Variants in UGGT2 observed in about 807,000 individuals in gnomAD.
UGGT2 encodes UDP-glucose glycoprotein glucosyltransferase 2, also known as UDP-glucose:glycoprotein glucosyltransferase 2.
In UGGT2, 180 loss-of-function variants were observed where a neutral mutation model predicts 192.1. The observed-to-expected ratio is 0.94, with a 90% confidence interval of 0.83 to 1.06. The LOEUF (loss-of-function observed/expected upper bound fraction) is 1.06, where lower values mean the gene tolerates loss of function less well. Among genes scored for constraint, UGGT2 ranks in the 50% least tolerant of loss-of-function variants. UGGT2 has a pLI of 0.00. For synonymous variants in UGGT2, 580 were observed against 591.0 expected (o/e 0.98, Z 0.27); for missense variants, 1,849 against 1,795.7 (o/e 1.03, Z -0.54).
rs764131965 is a variant in UGGT2 at position 95,900,923 on chromosome 13, C to T, written c.2518G>A (p.Ala840Thr). ...ACAGTATTATATTTTTTCTCAAAAG[C>T]ATTCTTATCCATCCCCTAAAGCAAA... is the stretch of plus-strand genomic sequence containing the variant. ...TFLIEGMDKN[A>T]FEKKYNTVGV... The change falls in exon 22 of 39, where the codon GCT (alanine) becomes ACT (threonine). Residue 840 changes from alanine to threonine, a missense_variant. Physicochemically the swap from Ala to Thr is moderately conservative, Grantham distance 58. Transcript: ENST00000376747. 1.2e-5 allele frequency: 19 copies of T among 1,591,640 alleles called. No homozygotes were observed. In the South Asian group the frequency reaches 2.1e-4, roughly 17 times the overall value.
chr13:95,814,970 A>G (rs1343967088), intron 38 of UGGT2, among the ~76,000 whole-genome samples: 1 of 152,338 alleles, frequency 6.6e-6, no homozygotes, highest in African/African-American at 2.4e-5. Flanking sequence ...TACAAGAGAA[A>G]AGCCATATGA....
At chr13:95,931,131 G>A (rs2049247837) in intron 17 of UGGT2, among the ~76,000 whole-genome samples, 1 of 152,134 alleles carries the variant, frequency 6.6e-6, no homozygotes. Flanking sequence ...CGTTTTGACA[G>A]GGTGCTGATT....
In UGGT2 at chr13:95,832,829, A is replaced by C. The variant is rs781603409; in HGVS notation, c.4528+98T>G. ...CACAGACTTTCTTAAAGAAATTCTTAATCATTTTATAAATTCACTAAGAAA... is the reference window on the plus strand; with the variant it reads ...CACAGACTTTCTTAAAGAAATTCTTCATCATTTTATAAATTCACTAAGAAA... On this transcript the variant is annotated intron_variant, in intron 38 of 38. Transcript: ENST00000376747. 27 of 1,525,396 alleles carry C rather than the reference A, an allele frequency of 1.8e-5. 1 individual carries two copies. The East Asian group carries it at 6.3e-4, about 36-fold the overall frequency. 94.5% of individuals were successfully genotyped at this position (1,525,396 alleles called of 1,614,324 possible).
intron 38 of UGGT2, among the ~76,000 whole-genome samples, chr13:95,819,468 T>A (rs1446490789): frequency 1.3e-5 from 2 of 151,902 alleles, no homozygotes; most frequent in Non-Finnish European, 2.9e-5. Context: ...ATGAATAAAA[T>A]AGACCTTATA....
At position 95,894,644 on chromosome 13, in the gene UGGT2, T is replaced by C; in HGVS notation, c.2773A>G (p.Ile925Val). ...GACATAAGGGCATCAACTTTCATAA[T>C]AAAGTCACTCATGCTAGATAAACAA... ...GINANNMSDF[I>V]MKVDALMSSV... The change falls in exon 24 of 39, where the codon ATT becomes GTT. Residue 925 changes from isoleucine to valine, a missense_variant. Ile to Val is a conservative substitution (Grantham distance 29). Coordinates refer to ENST00000376747, the MANE Select transcript of UGGT2 (RefSeq NM_020121.4). The C allele has an allele frequency of 6.2e-7, 1 of 1,611,962 alleles. No homozygotes were observed. Among genetic ancestry groups the C allele is most frequent in the Non-Finnish European group, 8.5e-7 (1 of 1,178,828 alleles).
At position 96,041,719 on chromosome 13, in the gene UGGT2, T is replaced by A. The variant is rs1180462469; in HGVS notation, c.159-9748A>T. On this transcript the variant is annotated intron_variant, in intron 1 of 38. Transcript: ENST00000376747. ...AGTGAGACTGGCCTTTTGGGTTGCATGGGAGCTGGGTGAGGCCTGTGACTG... is the reference window on the plus strand; with the variant it reads ...AGTGAGACTGGCCTTTTGGGTTGCAAGGGAGCTGGGTGAGGCCTGTGACTG... 2.0e-5 allele frequency among the ~76,000 whole-genome samples: 3 copies of A among 152,274 alleles called. No homozygotes were observed. In the South Asian group the frequency reaches 6.2e-4, roughly 32 times the overall value.
intron 5 of UGGT2, 99 bp from the exon 6 acceptor site, chr13:95,999,406 A>G (rs1025853888): frequency 1.9e-6 from 2 of 1,069,956 alleles, no homozygotes; most frequent in Non-Finnish European, 1.4e-6. Flanking sequence ...AGGGTAAATT[A>G]CTAATATTGA....
chr13:95,939,828 C>T, intron 16 of UGGT2, 129 bp downstream of exon 16: 1 of 706,638 alleles, frequency 1.4e-6, no homozygotes, highest in Non-Finnish European at 2.2e-6. Context: ...TCCCCAGCCT[C>T]TGGTAACCCC....
chr13:95,985,259 AT>A, intron 9 of UGGT2: 1 of 1,268,228 alleles, frequency 7.9e-7, no homozygotes, highest in South Asian at 1.2e-5. Context: ...TTCATGTTTT[AT>A]TATATAAATG....
At position 96,023,058 on chromosome 13, in the gene UGGT2, A is replaced by G. The variant is rs756416994; in HGVS notation, c.467T>C (p.Leu156Pro). The G allele has an allele frequency of 1.3e-6, 2 of 1,584,188 alleles. No individual in the cohort carries two copies. The highest frequency in any genetic ancestry group is 1.7e-5 in the Admixed American group (1 of 57,924). ...AATTTACCTTGAAGCAGCTTTCTTC[A>G]GCAGCTTTTTAATCTCATTAATTTT... Reference protein sequence around the residue: ...TCKINEIKKLLKKAASRTRPY... With the variant: ...TCKINEIKKLPKKAASRTRPY... Residue 156 changes from leucine (L) to proline (P), a missense_variant, in exon 4 of 39, where the codon CTG (leucine) becomes CCG (proline). Coordinates refer to ENST00000376747, the MANE Select transcript of UGGT2 (RefSeq NM_020121.4).
At chr13:96,052,482 A>G (rs1217237448) in intron 1 of UGGT2, among the ~76,000 whole-genome samples, 1 of 152,174 alleles carries the variant, frequency 6.6e-6, no homozygotes, top group Non-Finnish European at 1.5e-5. Context: ...GAAAAAAAAA[A>G]AGAACTTTTA....
At chr13:95,922,555 C>T (rs1258857435) in intron 20 of UGGT2, among the ~76,000 whole-genome samples, 1 of 152,202 alleles carries the variant, frequency 6.6e-6, no homozygotes, top group Non-Finnish European at 1.5e-5. Context: ...GGCACAGTGG[C>T]TCACGCCTGT....
intron 12 of UGGT2, among the ~76,000 whole-genome samples, chr13:95,950,578 ATATTG>A: frequency 1.5e-5 from 2 of 132,410 alleles, no homozygotes. Context: ...AAAGGACCAA[ATATTG>A]AAATGAAACA....
At chr13:95,831,986 T>C (rs1457022762) in intron 38 of UGGT2, among the ~76,000 whole-genome samples, 1 of 151,898 alleles carries the variant, frequency 6.6e-6, no homozygotes, top group African/African-American at 2.4e-5. Context: ...TATACATACA[T>C]GGGTGTGTAT....
intron 22 of UGGT2, among the ~76,000 whole-genome samples, chr13:95,896,823 T>C (rs1054423661): frequency 1.3e-5 from 2 of 152,240 alleles, no homozygotes; most frequent in Middle Eastern, 3.4e-3. Flanking sequence ...TTGAAAATTA[T>C]GTTGCTTAAA....
chr13:95,929,980 T>C (rs2049188627), intron 17 of UGGT2, among the ~76,000 whole-genome samples: 4 of 152,196 alleles, frequency 2.6e-5, no homozygotes, highest in Admixed American at 2.6e-4. Context: ...CCATTCTAAA[T>C]GGTACGAGAT....
At chr13:95,875,422 T>C (rs748231868) in intron 29 of UGGT2, among the ~76,000 whole-genome samples, 10 of 152,172 alleles carry the variant, frequency 6.6e-5, no homozygotes, top group Admixed American at 1.3e-4. Flanking sequence ...ACATAAACCC[T>C]TTTAGTGTGA....
At chr13:95,870,004 T>C (rs961096132) in intron 29 of UGGT2, among the ~76,000 whole-genome samples, 1 of 152,250 alleles carries the variant, frequency 6.6e-6, no homozygotes, top group Non-Finnish European at 1.5e-5. Context: ...ATTGGCTTCA[T>C]ATTTTTCATC....
chr13:95,833,248 A>G (rs535474369), intron 37 of UGGT2, among the ~76,000 whole-genome samples, 195 bp from the exon 38 acceptor site: 2 of 152,294 alleles, frequency 1.3e-5, no homozygotes, highest in South Asian at 2.1e-4. Flanking sequence ...TAATACAAAT[A>G]CCTCAATCAG....
Sources: allele counts gnomAD v4.1 joint callset (sites outside exome capture counted in the v4.1 genomes callset), GRCh38; gene constraint gnomAD v4.1.1; transcripts MANE v1.5; gene names NCBI Gene and HGNC (gene_info 2026-07-23, HGNC 2026-07-21).